Variants in SLC38A8 observed in about 807,000 individuals in gnomAD.
The protein encoded by SLC38A8 is amino acid transporter SLC38A8.
A neutral mutation model predicts 46.0 loss-of-function variants in SLC38A8; 65 were observed. The observed-to-expected ratio is 1.41, with a 90% CI of 1.16 to 1.74. The LOEUF (loss-of-function observed/expected upper bound fraction) is 1.74, where lower values mean the gene tolerates loss of function less well. Among genes scored for constraint, SLC38A8 ranks in the 40% most tolerant of loss-of-function variants. The pLI is 0.00. For missense variants in SLC38A8, 998 were observed against 567.9 expected, an observed-to-expected ratio of 1.76 and a Z score of -7.70; for synonymous variants, 447 against 243.7, an observed-to-expected ratio of 1.83 and a Z score of -7.77.
Position 84,029,523 on chromosome 16 carries a change from C to T in SLC38A8, c.661G>A (p.Val221Ile), listed in dbSNP as rs767993071. Reference sequence around the variant, plus strand: ...AACCCGAAGCAGATGGTGGGGAAGACACTGAACACAGAGGTCCAGGAGGCA... The same window carrying T: ...AACCCGAAGCAGATGGTGGGGAAGATACTGAACACAGAGGTCCAGGAGGCA... ...SPASWTSVFS[V>I]FPTICFGFQC... The change falls in exon 6 of 11, where the codon GTC becomes ATC. Residue 221 changes from valine (V) to isoleucine (I), a missense_variant. By Grantham distance (29) the Val-to-Ile change is conservative. Transcript: ENST00000299709. 6.2e-7 allele frequency: 1 copy of T among 1,614,162 alleles called. No individual in the cohort carries two copies. The highest frequency in any genetic ancestry group is 1.7e-5 in the Admixed American group (1 of 60,020).
At chr16:84,033,292 G>A (rs778813106) in intron 4 of SLC38A8, 36 bp downstream of exon 4, 6 of 1,613,466 alleles carry the variant, frequency 3.7e-6, no homozygotes, top group Non-Finnish European at 5.1e-6. Context: ...ACTCAGCAAG[G>A]TGGGGGCCCC....
chr16:84,036,461 G>T (rs759756939), intron 3 of SLC38A8, among the ~76,000 whole-genome samples: 2 of 152,204 alleles, frequency 1.3e-5, no homozygotes, highest in African/African-American at 2.4e-5. Context: ...ATCTCCACTG[G>T]ATATCCTAAT....
chr16:84,039,924 G>A (rs1361737647), intron 2 of SLC38A8: 3 of 152,158 alleles, frequency 2.0e-5, no homozygotes, highest in Non-Finnish European at 4.4e-5. Flanking sequence ...CCCAAGAGGG[G>A]ATTTGCCCGT....
intron 3 of SLC38A8, 146 bp downstream of exon 3, chr16:84,036,556 C>T (rs1241835640): frequency 7.8e-6 from 7 of 897,420 alleles, no homozygotes; most frequent in Admixed American, 2.5e-5. Context: ...CCCTTCCCTA[C>T]CATGTTAGGA....
At chr16:84,016,447 A>G (rs2085026251) in intron 9 of SLC38A8, 72 bp downstream of exon 9, 1 of 1,542,504 alleles carries the variant, frequency 6.5e-7, no homozygotes. Context: ...TTGACCTCCA[A>G]CACTGGGAGT....
intron 6 of SLC38A8, among the ~76,000 whole-genome samples, chr16:84,025,914 C>T (rs924321434): frequency 1.3e-5 from 2 of 152,222 alleles, no homozygotes; most frequent in African/African-American, 4.8e-5. Context: ...AGGGGGGACG[C>T]AACCCCTCTG....
intron 9 of SLC38A8, among the ~76,000 whole-genome samples, chr16:84,015,549 C>A (rs193164632): frequency 7.1e-6 from 1 of 140,692 alleles, no homozygotes; most frequent in East Asian, 2.2e-4. Flanking sequence ...TGACCCTCAG[C>A]CCTGCTGCAT....
chr16:84,024,933 G>A (rs77603919), intron 6 of SLC38A8, among the ~76,000 whole-genome samples: 10,971 of 152,080 alleles, frequency 0.072, 654 homozygotes, highest in East Asian at 0.25. Context: ...CTCCCACCTC[G>A]GCCTCGCAAA....
At chr16:84,043,229 C>T (rs1465580943), upstream of SLC38A8, among the ~76,000 whole-genome samples, 1 of 152,180 alleles carries the variant, frequency 6.6e-6, no homozygotes, top group Non-Finnish European at 1.5e-5. Context: ...CCCTAGGCCA[C>T]GCTTGAGTGA....
Position 84,026,694 on chromosome 16 carries a change from G to A in SLC38A8, c.690+2800C>T, listed in dbSNP as rs374648640. ...CCCATCAAAGGACAGGGGATAAAGC[G>A]CAGCTTATCCACACAATGGAATATT... On this transcript the variant is annotated intron_variant, in intron 6 of 10. Transcript: ENST00000299709. Among the ~76,000 whole-genome samples, 19 of 152,216 alleles carry A rather than the reference G, an allele frequency of 1.2e-4. No homozygotes were observed. In the East Asian group the frequency reaches 1.5e-3, roughly 12 times the overall value.
chr16:84,031,799 C>T (rs576167940), intron 5 of SLC38A8, 68 bp downstream of exon 5: 2 of 1,333,752 alleles, frequency 1.5e-6, no homozygotes, highest in Admixed American at 1.7e-5. Context: ...TCCTCCAAGA[C>T]TCCCCTCACA....
chr16:84,020,277 G>A (rs1269386792), intron 7 of SLC38A8, among the ~76,000 whole-genome samples: 1 of 151,940 alleles, frequency 6.6e-6, no homozygotes, highest in East Asian at 1.9e-4. Flanking sequence ...CTGAGTAGCT[G>A]GAACTACAGG....
At chr16:84,026,820 G>T (rs1277573808) in intron 6 of SLC38A8, among the ~76,000 whole-genome samples, 1 of 152,198 alleles carries the variant, frequency 6.6e-6, no homozygotes, top group Admixed American at 6.5e-5. Context: ...TCCATTCCTA[G>T]GAGGTGGCCA....
At chr16:84,018,582 C>T (rs978626139) in intron 7 of SLC38A8, among the ~76,000 whole-genome samples, 2 of 152,036 alleles carry the variant, frequency 1.3e-5, no homozygotes, top group African/African-American at 4.8e-5. Context: ...GTCCATTAAC[C>T]CATTAATCCA....
intron 4 of SLC38A8, among the ~76,000 whole-genome samples, 177 bp downstream of exon 4, chr16:84,033,151 G>C (rs1050570656): frequency 1.3e-5 from 2 of 152,160 alleles, no homozygotes; most frequent in Non-Finnish European, 1.5e-5. Flanking sequence ...TTCTTCTTTA[G>C]GCTCATCTAT....
Position 84,016,711 on chromosome 16 carries a change from A to C in SLC38A8, c.970T>G (p.Phe324Val). The change falls in exon 9 of 11, where the codon TTC becomes GTC. Residue 324 changes from phenylalanine (F) to valine (V), a missense_variant. Physicochemically the swap from Phe to Val is conservative, Grantham distance 50. Transcript: ENST00000299709. ...CCCCCCAAGCAGCTCCTCCTCCAGA[A>C]GTCCTGCATCACTGACCTGGAGGCC... The part of the protein sequence containing the change: ...LFLGRSVMQD[F>V]WRRSCLGGWG... 1.2e-6 allele frequency: 2 copies of C among 1,612,746 alleles called. No individual in the cohort carries two copies. Among genetic ancestry groups the C allele is most frequent in the Non-Finnish European group, 1.7e-6 (2 of 1,179,852 alleles).
chr16:84,016,327 T>C (rs1206315156), intron 9 of SLC38A8, among the ~76,000 whole-genome samples, 192 bp downstream of exon 9: 1 of 152,182 alleles, frequency 6.6e-6, no homozygotes, highest in East Asian at 1.9e-4. Context: ...ATGAGATGTT[T>C]AATGAGTGAG....
At chr16:84,042,425 C>G (rs1404993821) in intron 1 of SLC38A8, 126 bp downstream of exon 1, 8 of 356,414 alleles carry the variant, frequency 2.2e-5, no homozygotes, top group Non-Finnish European at 3.0e-5. Context: ...CCTTCCCCCT[C>G]CCTCTCTTCT....
rs1292250204 is a variant in SLC38A8, at chr16:84,024,518, C to T, written c.691-1629G>A. The stretch of plus-strand genomic sequence containing the variant: ...AAACGCAGGAGGGAGCGGTGGCTCA[C>T]GCCTGTAATCCCAGCACTTTGGGAG... On this transcript the variant is annotated intron_variant, in intron 6 of 10. Transcript: ENST00000299709. Among the ~76,000 whole-genome samples the T allele has an allele frequency of 6.6e-5, 10 of 151,864 alleles. No homozygotes were observed. The South Asian group carries it at 1.0e-3, about 16-fold the overall frequency.
Sources: allele counts gnomAD v4.1 joint callset (sites outside exome capture counted in the v4.1 genomes callset), GRCh38; gene constraint gnomAD v4.1.1; transcripts MANE v1.5; gene names NCBI Gene and HGNC (gene_info 2026-07-23, HGNC 2026-07-21).